RAB20: variants seen among roughly 807,000 people sequenced by gnomAD.
The protein encoded by RAB20 is ras-related protein Rab-20.
Under a neutral mutation model 3.7 loss-of-function variants are expected in RAB20, and 2 were observed. The ratio of observed to expected loss-of-function variants is 0.54; its 90% CI spans 0.22 to 1.69. The LOEUF (loss-of-function observed/expected upper bound fraction) is 1.69. Ranked by LOEUF, RAB20 falls within the 40% of genes most tolerant of loss-of-function variation. The pLI, the probability that RAB20 is intolerant of heterozygous loss-of-function variation, is 0.19. For missense variants in RAB20, 276 were observed against 311.9 expected, an observed-to-expected ratio of 0.88 and a Z score of 0.87; for synonymous variants, 126 against 130.8, an observed-to-expected ratio of 0.96 and a Z score of 0.25.
At chr13:110,559,449 TA>T (rs1280152869) in intron 1 of RAB20, among the ~76,000 whole-genome samples, 1 of 152,230 alleles carries the variant, frequency 6.6e-6, no homozygotes, top group Non-Finnish European at 1.5e-5. Context: ...TATCTGTTCC[TA>T]CCTCTCTTTT....
chr13:110,558,990 C>T (rs996719259), intron 1 of RAB20, among the ~76,000 whole-genome samples: 1 of 152,172 alleles, frequency 6.6e-6, no homozygotes, highest in Non-Finnish European at 1.5e-5. Context: ...GCCACCACGC[C>T]TGGCCCCATC....
intron 1 of RAB20, among the ~76,000 whole-genome samples, chr13:110,558,521 T>G (rs1225355361): frequency 6.7e-6 from 1 of 149,954 alleles, no homozygotes; most frequent in Non-Finnish European, 1.5e-5. Context: ...GTAGCTAGGA[T>G]TACAGGCGCC....
intron 1 of RAB20, among the ~76,000 whole-genome samples, chr13:110,534,276 G>T (rs1394700092): frequency 6.6e-6 from 1 of 152,222 alleles, no homozygotes; most frequent in African/African-American, 2.4e-5. Context: ...CACACCCTCT[G>T]TCAGGTCTGT....
chr13:110,558,392 T>TTC, intron 1 of RAB20, among the ~76,000 whole-genome samples: 1 of 139,354 alleles, frequency 7.2e-6, no homozygotes, highest in Non-Finnish European at 1.6e-5. Context: ...TTTTTTTTTT[T>TTC]TTTTTTTTGA....
At chr13:110,560,718 C>T (rs1297364456) in intron 1 of RAB20, among the ~76,000 whole-genome samples, 1 of 152,010 alleles carries the variant, frequency 6.6e-6, no homozygotes, top group Non-Finnish European at 1.5e-5. Flanking sequence ...AAATACTACA[C>T]AATAAAAATA....
intron 1 of RAB20, among the ~76,000 whole-genome samples, chr13:110,541,569 C>T (rs1440035037): frequency 6.6e-6 from 1 of 152,198 alleles, no homozygotes; most frequent in African/African-American, 2.4e-5. Context: ...TTTAAAACTT[C>T]CTCCATTCCT....
chr13:110,529,027 T>A (rs150882529), intron 1 of RAB20, among the ~76,000 whole-genome samples: 23 of 152,366 alleles, frequency 1.5e-4, no homozygotes, highest in African/African-American at 4.8e-4. Context: ...CAGGCTGCTC[T>A]CAATGAGCGC....
chr13:110,550,712 T>G (rs565393492), intron 1 of RAB20, among the ~76,000 whole-genome samples: 1 of 152,260 alleles, frequency 6.6e-6, no homozygotes, highest in South Asian at 2.1e-4. Flanking sequence ...GCCTTCTCCT[T>G]GCCACCTTCC....
chr13:110,554,740 A>G (rs1281694949), intron 1 of RAB20, among the ~76,000 whole-genome samples: 1 of 152,218 alleles, frequency 6.6e-6, no homozygotes, highest in East Asian at 1.9e-4. Context: ...AGCCTGCATG[A>G]GCGAAGCAGC....
In RAB20 at chr13:110,530,968, C is replaced by T. The variant is rs529537545; in HGVS notation, c.173-6771G>A. Among the ~76,000 whole-genome samples the T allele has an allele frequency of 4.6e-5, 7 of 152,316 alleles. No homozygotes were observed. In the South Asian group the frequency reaches 1.4e-3, roughly 32 times the overall value. ...AGAAATGGAAGCCAGAACAGGACTTCGTAATTTATAGCAGGGAATGAGCTG... is the reference window on the plus strand; with the variant it reads ...AGAAATGGAAGCCAGAACAGGACTTTGTAATTTATAGCAGGGAATGAGCTG... On this transcript the variant is annotated intron_variant, in intron 1 of 1. Coordinates refer to ENST00000267328, the MANE Select transcript of RAB20 (RefSeq NM_017817.3).
chr13:110,534,078 A>G (rs1369238616), intron 1 of RAB20, among the ~76,000 whole-genome samples: 3 of 152,204 alleles, frequency 2.0e-5, no homozygotes, highest in Non-Finnish European at 2.9e-5. Flanking sequence ...TAGCCTGGAC[A>G]TGGCTGGGAA....
chr13:110,527,240 C>T (rs1451230331), intron 1 of RAB20, among the ~76,000 whole-genome samples: 1 of 152,108 alleles, frequency 6.6e-6, no homozygotes. Flanking sequence ...TTGAGGCAGG[C>T]TGGTCACCCC....
At chr13:110,542,096 TAA>T (rs963443246) in intron 1 of RAB20, among the ~76,000 whole-genome samples, 3 of 152,214 alleles carry the variant, frequency 2.0e-5, no homozygotes, top group African/African-American at 7.2e-5. Flanking sequence ...TATTATACTT[TAA>T]GTTTTAGGGT....
intron 1 of RAB20, among the ~76,000 whole-genome samples, chr13:110,529,515 A>C (rs1462411657): frequency 6.6e-6 from 1 of 152,198 alleles, no homozygotes; most frequent in Admixed American, 6.5e-5. Context: ...TGGAGAAATA[A>C]ACAGCCTCAG....
intron 1 of RAB20, among the ~76,000 whole-genome samples, chr13:110,528,991 G>C (rs1007807895): frequency 1.3e-5 from 2 of 152,242 alleles, no homozygotes; most frequent in Non-Finnish European, 2.9e-5. Context: ...ATAATGTATA[G>C]CTTTTAGGAT....
intron 1 of RAB20, among the ~76,000 whole-genome samples, chr13:110,547,016 A>G (rs9515251): frequency 0.24 from 35,840 of 152,122 alleles, 4,566 homozygotes; most frequent in East Asian, 0.36. Flanking sequence ...CTGGGATTAC[A>G]GGCGTGAGTC....
At chr13:110,542,601 G>T (rs1884783486) in intron 1 of RAB20, among the ~76,000 whole-genome samples, 1 of 152,190 alleles carries the variant, frequency 6.6e-6, no homozygotes, top group African/African-American at 2.4e-5. Flanking sequence ...TCGGTATCTG[G>T]TTTATTTCAC....
chr13:110,550,983 G>GACA (rs1884942650), intron 1 of RAB20, among the ~76,000 whole-genome samples: 1 of 152,124 alleles, frequency 6.6e-6, no homozygotes, highest in Non-Finnish European at 1.5e-5. Context: ...CAGCACTCAG[G>GACA]ACAATGATAT....
At chr13:110,526,308 G>A (rs1884430550) in intron 1 of RAB20, among the ~76,000 whole-genome samples, 2 of 152,230 alleles carry the variant, frequency 1.3e-5, no homozygotes, top group Admixed American at 6.5e-5. Context: ...GAGTGTCCAG[G>A]CCCCATTCCA....
Sources: allele counts gnomAD v4.1 joint callset (sites outside exome capture counted in the v4.1 genomes callset), GRCh38; gene constraint gnomAD v4.1.1; transcripts MANE v1.5; gene names NCBI Gene and HGNC (gene_info 2026-07-23, HGNC 2026-07-21).